VWA5B1: variants seen among roughly 807,000 people sequenced by gnomAD.
The protein encoded by VWA5B1 is von Willebrand factor A domain containing 5B1, also known as von Willebrand factor A domain-containing protein 5B1.
VWA5B1 carries 115 observed loss-of-function variants against 118.2 expected under a neutral mutation model. The ratio of observed to expected loss-of-function variants is 0.97; its 90% confidence interval spans 0.84 to 1.14. The LOEUF is 1.14. Among genes scored for constraint, VWA5B1 ranks in the 50% most tolerant of loss-of-function variants. The probability of loss-of-function intolerance (pLI) is 0.00; values close to 1 mark genes in which losing one functional copy is unlikely to be tolerated. For missense variants in VWA5B1, 1,596 were observed against 1,603.8 expected (o/e 1.00, Z 0.08); for synonymous variants, 682 against 658.4 (o/e 1.04, Z -0.55).
chr1:20,320,100 C>T (rs1468756230), intron 7 of VWA5B1, among the ~76,000 whole-genome samples: 1 of 152,216 alleles, frequency 6.6e-6, no homozygotes, highest in Non-Finnish European at 1.5e-5. Context: ...GCCTCCCGCT[C>T]ATGGTCCTGC....
intron 5 of VWA5B1, 54 bp downstream of exon 5, chr1:20,317,729 G>T: frequency 6.6e-7 from 1 of 1,512,204 alleles, no homozygotes. Context: ...AAAGCCAAAG[G>T]CTGCCAGGGA....
chr1:20,309,819 G>C (rs968322238), intron 1 of VWA5B1, among the ~76,000 whole-genome samples: 1 of 152,116 alleles, frequency 6.6e-6, no homozygotes, highest in Non-Finnish European at 1.5e-5. Context: ...GGTGGCCTGG[G>C]ACAGGGTGCT....
Position 20,343,263 on chromosome 1 carries a change from GA to G in VWA5B1, c.2497del (p.Thr833ProfsTer51), listed in dbSNP as rs1372393761. On this transcript the variant is annotated frameshift_variant, in exon 16 of 22. Transcript: ENST00000289815. LOFTEE classifies it high-confidence loss of function. The part of the protein sequence containing the change: ...LQWEVSFELG[T>X]PGPERGGAQD... Reference sequence around the variant, plus strand: ...AGTGGGAGGTGAGCTTCGAGCTGGGGACCCCTGGACCGGAGCGGGGCGGCGC... The same window carrying G: ...AGTGGGAGGTGAGCTTCGAGCTGGGGCCCCTGGACCGGAGCGGGGCGGCGC... The G allele has an allele frequency of 6.5e-7, 1 of 1,548,568 alleles. No individual in the cohort carries two copies. The highest frequency in any genetic ancestry group is 8.7e-7 in the Non-Finnish European group (1 of 1,146,760).
intron 10 of VWA5B1, 74 bp downstream of exon 10, chr1:20,330,456 T>C: frequency 2.0e-6 from 3 of 1,511,486 alleles, no homozygotes; most frequent in Non-Finnish European, 2.7e-6. Context: ...CCAAGGGCAA[T>C]GTGGAAAATG....
intron 6 of VWA5B1, 130 bp downstream of exon 6, chr1:20,318,851 G>A: frequency 7.3e-7 from 1 of 1,361,244 alleles, no homozygotes; most frequent in Non-Finnish European, 9.6e-7. Context: ...TGGGGGGTGT[G>A]GCCAAGGAGA....
intron 12 of VWA5B1, among the ~76,000 whole-genome samples, chr1:20,335,787 G>A (rs2089698320): frequency 1.3e-5 from 2 of 152,218 alleles, no homozygotes; most frequent in Admixed American, 6.5e-5. Context: ...ATTGAGTGGC[G>A]AAGGTGGAGG....
intron 3 of VWA5B1, 56 bp from the exon 4 acceptor site, chr1:20,314,266 T>C (rs2088933949): frequency 1.3e-6 from 2 of 1,522,668 alleles, no homozygotes; most frequent in South Asian, 1.3e-5. Context: ...AACAGCAATC[T>C]TAGAGGGGAT....
intron 3 of VWA5B1, 35 bp downstream of exon 3, chr1:20,313,023 G>A: frequency 6.5e-7 from 1 of 1,543,288 alleles, no homozygotes. Context: ...CGGGACCTGG[G>A]TTTGGCCAGC....
chr1:20,350,790 G>A lies in VWA5B1; in HGVS notation c.2954-67G>A, dbSNP rs2090113441. 4.8e-6 allele frequency: 7 copies of A among 1,461,882 alleles called. No individual in the cohort carries two copies. The East Asian group carries it at 1.7e-4, about 36-fold the overall frequency. 90.6% of individuals were successfully genotyped at this position (1,461,882 alleles called of 1,614,324 possible). On this transcript the variant is annotated intron_variant, in intron 19 of 21. Transcript: ENST00000289815. ...CCCTCTCTAGGCCTCTGTTCCCCCA[G>A]TTGGTCAGTGAGCAGTTGGACGGGG...
At chr1:20,305,255 A>C (rs2088614968) in intron 1 of VWA5B1, among the ~76,000 whole-genome samples, 1 of 152,152 alleles carries the variant, frequency 6.6e-6, no homozygotes, top group Non-Finnish European at 1.5e-5. Context: ...TGGTATGTGA[A>C]GTTCAAGGCA....
In VWA5B1 at chr1:20,312,967, G is replaced by A; in HGVS notation, c.271G>A (p.Val91Ile). The change falls in exon 3 of 22, where the codon GTT becomes ATT. Residue 91 changes from valine to isoleucine, a missense_variant. Physicochemically the swap from Val to Ile is conservative, Grantham distance 29. Transcript: ENST00000289815. ...GAGCGGCCACTTCGATGCCTCCCATGTTCGATCCCCAACAGTCACAGGTAA... is the reference window on the plus strand; with the variant it reads ...GAGCGGCCACTTCGATGCCTCCCATATTCGATCCCCAACAGTCACAGGTAA... Reference protein sequence around the residue: ...LESGHFDASHVRSPTVTGNIL... With the variant: ...LESGHFDASHIRSPTVTGNIL... 6.4e-7 allele frequency: 1 copy of A among 1,551,610 alleles called. No homozygotes were observed. The highest frequency in any genetic ancestry group is 8.7e-7 in the Non-Finnish European group (1 of 1,146,966).
chr1:20,309,404 A>G (rs1250739930), intron 1 of VWA5B1, among the ~76,000 whole-genome samples: 11 of 152,168 alleles, frequency 7.2e-5, no homozygotes. Flanking sequence ...TGCAGAGGGG[A>G]CCCAAGTTGA....
At chr1:20,310,530 C>T (rs749836134) in intron 1 of VWA5B1, 46 bp from the exon 2 acceptor site, 2 of 1,435,874 alleles carry the variant, frequency 1.4e-6, no homozygotes, top group Non-Finnish European at 1.8e-6. Flanking sequence ...GTTGAGGGGA[C>T]CTGGGGGAGC....
At chr1:20,298,241 C>T (rs983142998) in intron 1 of VWA5B1, among the ~76,000 whole-genome samples, 1 of 151,492 alleles carries the variant, frequency 6.6e-6, no homozygotes, top group African/African-American at 2.4e-5. Context: ...CTCCTGGCCT[C>T]AAGCAGTCCT....
intron 1 of VWA5B1, among the ~76,000 whole-genome samples, chr1:20,300,059 G>A (rs1326059271): frequency 1.3e-5 from 2 of 151,948 alleles, no homozygotes; most frequent in African/African-American, 4.8e-5. Context: ...TCTGGGGCCA[G>A]ATGCTTGGAT....
Position 20,328,019 on chromosome 1 carries a change from T to A in VWA5B1, c.1254+19T>A. 6.5e-7 allele frequency: 1 copy of A among 1,548,378 alleles called. No homozygotes were observed. The highest frequency in any genetic ancestry group is 8.7e-7 in the Non-Finnish European group (1 of 1,144,226). On this transcript the variant is annotated intron_variant, in intron 9 of 21. Transcript: ENST00000289815. ...CAGTGAGGTAATGAGGGGGCAAGGCTGGGACCAGGAGGGTGGTGCATGGTG... is the reference window on the plus strand; with the variant it reads ...CAGTGAGGTAATGAGGGGGCAAGGCAGGGACCAGGAGGGTGGTGCATGGTG...
At chr1:20,323,222 C>T (rs540157899) in intron 7 of VWA5B1, 134 bp from the exon 8 acceptor site, 5 of 807,882 alleles carry the variant, frequency 6.2e-6, no homozygotes, top group Admixed American at 4.2e-5. Flanking sequence ...GAGCTGAGCA[C>T]AGTCAGCCCG....
Position 20,310,570 on chromosome 1 carries a change from T to TCA in VWA5B1, c.-26-3_-26-2dup. The stretch of plus-strand genomic sequence containing the variant: ...TCCCACTTCCTGCCCTTCCTGTGTC[T>TCA]CACAGGTTCTGAAGGCTGAGTAGCC... On this transcript the variant is annotated splice_polypyrimidine_tract_variant and splice_region_variant and intron_variant, in intron 1 of 21. Transcript: ENST00000289815. The TCA allele has an allele frequency of 1.3e-6, 2 of 1,493,786 alleles. No homozygotes were observed. Among genetic ancestry groups the TCA allele is most frequent in the Non-Finnish European group, 1.8e-6 (2 of 1,120,140 alleles). The allele number at this position is 1,493,786 out of a possible 1,614,324, so 92.5% of individuals were successfully genotyped here. A position where few individuals can be genotyped will look rare whatever the true frequency, so the allele number is the denominator to read the frequency against.
In VWA5B1 at chr1:20,336,503, G is replaced by A. The variant is rs771208692; in HGVS notation, c.1942+17G>A. The A allele has an allele frequency of 4.4e-5, 59 of 1,348,870 alleles. No homozygotes were observed. In the African/African-American group the frequency reaches 7.9e-4, roughly 18 times the overall value. 83.6% of individuals were successfully genotyped at this position (1,348,870 alleles called of 1,614,324 possible). A position where few individuals can be genotyped will look rare whatever the true frequency, so the allele number is the denominator to read the frequency against. On this transcript the variant is annotated intron_variant, in intron 13 of 21. Coordinates refer to ENST00000289815, the MANE Select transcript of VWA5B1 (RefSeq NM_001039500.3). ...CCAAGCACGGTTCGTCTGCGGCTCT[G>A]ATGATTGCTGCCTTACATTGAGCAC...
Sources: allele counts gnomAD v4.1 joint callset (sites outside exome capture counted in the v4.1 genomes callset), GRCh38; gene constraint gnomAD v4.1.1; transcripts MANE v1.5; gene names NCBI Gene and HGNC (gene_info 2026-07-23, HGNC 2026-07-21).